Variants in C6 observed in about 807,000 individuals in gnomAD.
C6 encodes the protein complement C6, also known as complement component C6.
A neutral mutation model predicts 112.9 loss-of-function variants in C6; 101 were observed. That is an observed-to-expected ratio of 0.89 (90% CI 0.76 to 1.06). The LOEUF is 1.06. C6 is among the 50% of genes least tolerant of loss of function. C6 has a pLI of 0.00. For synonymous variants in C6, 431 were observed against 384.1 expected, an observed-to-expected ratio of 1.12 and a Z score of -1.43; for missense variants, 1,202 against 1,104.6, an observed-to-expected ratio of 1.09 and a Z score of -1.25.
At chr5:41,218,688 G>GTA (rs372829941) in intron 1 of C6, among the ~76,000 whole-genome samples, 2 of 152,128 alleles carry the variant, frequency 1.3e-5, no homozygotes, top group African/African-American at 4.8e-5. Context: ...CCAGGATTGG[G>GTA]TATGGGTCAT....
At chr5:41,194,325 G>A (rs1293660399) in intron 5 of C6, among the ~76,000 whole-genome samples, 1 of 152,128 alleles carries the variant, frequency 6.6e-6, no homozygotes, top group Non-Finnish European at 1.5e-5. Context: ...GGAAACCGAG[G>A]CCCAGAGTTG....
At chr5:41,209,604 C>A (rs1751728680) in intron 1 of C6, among the ~76,000 whole-genome samples, 1 of 152,168 alleles carries the variant, frequency 6.6e-6, no homozygotes, top group African/African-American at 2.4e-5. Flanking sequence ...TCATGGTAAA[C>A]TCCCATTCAC....
Position 41,198,077 on chromosome 5 carries a change from G to A in C6, c.445+1691C>T, listed in dbSNP as rs112139315. Among the ~76,000 whole-genome samples, 14 of 152,220 alleles carry A rather than the reference G, an allele frequency of 9.2e-5. 1 individual carries two copies. The highest frequency in any genetic ancestry group is 3.4e-4 in the African/African-American group (14 of 41,556). ...CTTTTATGCTTAAAATTAGGACTCT[G>A]AAAGAAGAGTTGGTATATTGCATGG... On this transcript the variant is annotated intron_variant, in intron 4 of 17. Coordinates refer to ENST00000337836, the MANE Select transcript of C6 (RefSeq NM_000065.5).
Position 41,207,063 on chromosome 5 carries a change from G to T in C6, c.-20-3813C>A, listed in dbSNP as rs190785976. Among the ~76,000 whole-genome samples the T allele has an allele frequency of 9.6e-4, 146 of 152,310 alleles. 2 individuals are homozygous for T. The East Asian group carries it at 0.023, about 24-fold the overall frequency. On this transcript the variant is annotated intron_variant, in intron 1 of 17. Transcript: ENST00000337836. The stretch of plus-strand genomic sequence containing the variant: ...CTCTACAAGCCAGAAGAGAGTAGGG[G>T]CCAATATACAACATTCTTAAAGAAA...
rs1747538320 is a variant in C6 at position 41,161,805 on chromosome 5, C to T, written c.1346G>A (p.Ser449Asn). 6.2e-7 allele frequency: 1 copy of T among 1,613,708 alleles called. No homozygotes were observed. The highest frequency in any genetic ancestry group is 1.1e-5 in the South Asian group (1 of 91,080). ...KSISLIRGGR[S>N]EYGAALAWEK... The stretch of plus-strand genomic sequence containing the variant: ...CCATGCCAAAGCTGCTCCATATTCA[C>T]TCCTTCCACCTCGAATCAGGGATAT... Residue 449 changes from serine (S) to asparagine (N), a missense_variant, in exon 10 of 18, where the codon AGT (serine) becomes AAT (asparagine). By Grantham distance (46) the Ser-to-Asn change is conservative. Transcript: ENST00000337836.
intron 9 of C6, among the ~76,000 whole-genome samples, chr5:41,170,668 A>G (rs888202854): frequency 6.6e-6 from 1 of 151,926 alleles, no homozygotes; most frequent in Admixed American, 6.6e-5. Context: ...TAGACCATCT[A>G]CCTGTTCTGA....
At chr5:41,197,505 A>C (rs1750702925) in intron 4 of C6, among the ~76,000 whole-genome samples, 1 of 152,186 alleles carries the variant, frequency 6.6e-6, no homozygotes, top group Non-Finnish European at 1.5e-5. Context: ...CCTAGCACTT[A>C]CAAATTTAAG....
At chr5:41,238,823 T>C (rs1185261415) in intron 1 of C6, among the ~76,000 whole-genome samples, 4 of 152,190 alleles carry the variant, frequency 2.6e-5, no homozygotes, top group Non-Finnish European at 5.9e-5. Context: ...ATTAAAATTA[T>C]TAGAATATGG....
chr5:41,195,704 A>T, intron 5 of C6, 88 bp downstream of exon 5: 1 of 1,355,594 alleles, frequency 7.4e-7, no homozygotes, highest in Non-Finnish European at 1.0e-6. Context: ...TTAATGAGGA[A>T]GATGGACAAT....
chr5:41,209,391 A>C (rs982434665), intron 1 of C6, among the ~76,000 whole-genome samples: 3 of 152,188 alleles, frequency 2.0e-5, no homozygotes, highest in African/African-American at 7.2e-5. Context: ...CAGGAGAAAG[A>C]AATAAAGGGT....
At chr5:41,159,292 C>A in intron 11 of C6, 39 bp from the exon 12 acceptor site, 1 of 1,604,504 alleles carries the variant, frequency 6.2e-7, no homozygotes. Context: ...GATCATGGTG[C>A]AGCTGAATTT....
At chr5:41,176,807 A>T (rs1748897142) in intron 7 of C6, 92 bp from the exon 8 acceptor site, 1 of 1,158,704 alleles carries the variant, frequency 8.6e-7, no homozygotes, top group Admixed American at 2.0e-5. Context: ...CATTAGTTTC[A>T]TTCCCACCAC....
intron 13 of C6, among the ~76,000 whole-genome samples, chr5:41,155,481 A>G (rs1198254517): frequency 2.6e-5 from 4 of 152,136 alleles, no homozygotes; most frequent in Admixed American, 2.6e-4. Flanking sequence ...TGAGTTCAGG[A>G]GTTCGAGACC....
chr5:41,201,431 A>G (rs1354751889), intron 3 of C6, 127 bp downstream of exon 3: 12 of 942,830 alleles, frequency 1.3e-5, no homozygotes, highest in Non-Finnish European at 1.8e-5. Flanking sequence ...TTTTCCCTCA[A>G]TGGAAGCTGA....
Position 41,175,316 on chromosome 5 carries a change from A to G in C6, c.1168+1159T>C, listed in dbSNP as rs1748746683. Among the ~76,000 whole-genome samples, 3 of 152,238 alleles carry G rather than the reference A, an allele frequency of 2.0e-5. No individual in the cohort carries two copies. In the East Asian group the frequency reaches 5.8e-4, roughly 29 times the overall value. On this transcript the variant is annotated intron_variant, in intron 8 of 17. Transcript: ENST00000337836. Reference sequence around the variant, plus strand: ...AATATATATACACACATATATATGCATATATGGACACACTGTCAATACATG... The same window carrying G: ...AATATATATACACACATATATATGCGTATATGGACACACTGTCAATACATG...
intron 13 of C6, among the ~76,000 whole-genome samples, chr5:41,156,224 T>C (rs1055270142): frequency 2.6e-5 from 4 of 152,156 alleles, no homozygotes; most frequent in Non-Finnish European, 5.9e-5. Context: ...CACTTGGTTG[T>C]TTCTTGTATC....
At chr5:41,255,356 G>A (rs112815278) in intron 1 of C6, among the ~76,000 whole-genome samples, 263 of 39,842 alleles carry the variant, frequency 6.6e-3, no homozygotes, top group African/African-American at 0.024. Context: ...GTGAGATTCC[G>A]TTAAAAAAAA....
In C6 at chr5:41,213,521, T is replaced by G; in HGVS notation, c.-166A>C. ...GCTAACACAAGGCAATGCTGTCATATCCCAGAAGCCTAGCAACACCTAGAG... is the reference window on the plus strand; with the variant it reads ...GCTAACACAAGGCAATGCTGTCATAGCCCAGAAGCCTAGCAACACCTAGAG... On this transcript the variant is annotated 5_prime_UTR_variant, in exon 1 of 18. Coordinates refer to ENST00000337836, the MANE Select transcript of C6 (RefSeq NM_000065.5). 1.0e-6 allele frequency: 1 copy of G among 985,378 alleles called. No individual in the cohort carries two copies. Among genetic ancestry groups the G allele is most frequent in the Non-Finnish European group, 1.2e-6 (1 of 829,892 alleles). 61.0% of individuals were successfully genotyped at this position (985,378 alleles called of 1,614,324 possible). A position where few individuals can be genotyped will look rare whatever the true frequency, so the allele number is the denominator to read the frequency against.
At position 41,199,769 on chromosome 5, in the gene C6, A is replaced by G; in HGVS notation, c.444T>C (p.Ser148=). ...GAACATTTCACAAAAATACATTACC[A>G]CTGTCACAGCGAAATTTATTCTTGC... The part of the protein sequence containing the change: ...ADCKNKFRCD[S]GRCIARKLEC... Residue 148 remains serine (S), a splice_region_variant and synonymous_variant, in exon 4 of 18, where the codon AGT becomes AGC. Transcript: ENST00000337836. 1.2e-6 allele frequency: 2 copies of G among 1,613,626 alleles called. No individual in the cohort carries two copies. The highest frequency in any genetic ancestry group is 1.7e-6 in the Non-Finnish European group (2 of 1,179,588).
Sources: gnomAD v4.1 joint callset for allele counts (sites outside exome capture counted in the v4.1 genomes callset) on GRCh38, gnomAD v4.1.1 for gene constraint, MANE v1.5 for transcripts, NCBI Gene and HGNC (gene_info 2026-07-23, HGNC 2026-07-21) for gene names.